ARHGAP44: variants seen among roughly 807,000 people sequenced by gnomAD.
ARHGAP44 encodes the protein rho GTPase-activating protein 44.
A neutral mutation model predicts 106.8 loss-of-function variants in ARHGAP44; 43 were observed. That is an observed-to-expected ratio of 0.40 (90% CI 0.32 to 0.52). ARHGAP44 has a LOEUF of 0.52. Ranked by LOEUF, ARHGAP44 falls within the 20% of genes least tolerant of loss-of-function variation. The pLI, the probability that ARHGAP44 is intolerant of heterozygous loss-of-function variation, is 0.48. For missense variants in ARHGAP44, 866 were observed against 1,050.5 expected, an observed-to-expected ratio of 0.82 and a Z score of 2.43; for synonymous variants, 439 against 410.3, an observed-to-expected ratio of 1.07 and a Z score of -0.85.
chr17:12,848,513 G>A lies in ARHGAP44; in HGVS notation c.54-46427G>A, dbSNP rs138145321. Among the ~76,000 whole-genome samples the A allele has an allele frequency of 7.2e-3, 1,100 of 152,124 alleles. 13 individuals are homozygous for A. Among genetic ancestry groups the A allele is most frequent in the African/African-American group, 0.025 (1,042 of 41,514 alleles). The stretch of plus-strand genomic sequence containing the variant: ...TCCTTTGAAGTATTCCTGCTAATAT[G>A]TTTTTCCTCTAATTCATGCCAAAAC... On this transcript the variant is annotated intron_variant, in intron 1 of 20. Transcript: ENST00000379672.
chr17:12,903,642 G>T lies in ARHGAP44; in HGVS notation c.199-5255G>T, dbSNP rs187872535. On this transcript the variant is annotated intron_variant, in intron 3 of 20. Transcript: ENST00000379672. Reference sequence around the variant, plus strand: ...AGGTTTTTGGGGAACAGGTGGTGTTGGTTACATGAGTAAGTTCTTTAGTGG... The same window carrying T: ...AGGTTTTTGGGGAACAGGTGGTGTTTGTTACATGAGTAAGTTCTTTAGTGG... Among the ~76,000 whole-genome samples, 649 of 152,182 alleles carry T rather than the reference G, an allele frequency of 4.3e-3. 2 individuals carry two copies. Among genetic ancestry groups the T allele is most frequent in the Non-Finnish European group, 6.2e-3 (421 of 67,992 alleles).
intron 1 of ARHGAP44, among the ~76,000 whole-genome samples, chr17:12,819,625 G>A (rs1043354678): frequency 2.7e-5 from 4 of 149,946 alleles, no homozygotes; most frequent in African/African-American, 9.8e-5. Flanking sequence ...TAGCTGTGTT[G>A]TAGTAGTTTA....
chr17:12,867,932 C>T (rs1264939810), intron 1 of ARHGAP44, among the ~76,000 whole-genome samples: 1 of 152,192 alleles, frequency 6.6e-6, no homozygotes, highest in Non-Finnish European at 1.5e-5. Context: ...CTCTATTCTA[C>T]AGCTCCATGA....
chr17:12,924,150 C>T (rs2038167124), intron 6 of ARHGAP44, among the ~76,000 whole-genome samples: 1 of 152,198 alleles, frequency 6.6e-6, no homozygotes, highest in South Asian at 2.1e-4. Flanking sequence ...GAACAATAGT[C>T]CCATGACTGG....
In ARHGAP44 at chr17:12,897,457, C is replaced by T. The variant is rs2037244670; in HGVS notation, c.198+946C>T. Reference sequence around the variant, plus strand: ...TTCTTTTTTTTTTTTTTTCCAAGCCCTGGTTTCTTCTTTCTTAATATTCCC... The same window carrying T: ...TTCTTTTTTTTTTTTTTTCCAAGCCTTGGTTTCTTCTTTCTTAATATTCCC... On this transcript the variant is annotated intron_variant, in intron 3 of 20. Coordinates refer to ENST00000379672, the MANE Select transcript of ARHGAP44 (RefSeq NM_014859.6). 2.0e-5 allele frequency among the ~76,000 whole-genome samples: 3 copies of T among 151,152 alleles called. No individual in the cohort carries two copies. In the South Asian group the frequency reaches 6.3e-4, roughly 32 times the overall value.
At chr17:12,790,179 G>T (rs2033697390) in intron 1 of ARHGAP44, 1 of 418,538 alleles carries the variant, frequency 2.4e-6, no homozygotes, top group Non-Finnish European at 4.2e-6. Context: ...CGTCCTCCCT[G>T]CCTTTCCCCG....
chr17:12,826,454 T>G (rs2034921442), intron 1 of ARHGAP44, among the ~76,000 whole-genome samples: 1 of 152,240 alleles, frequency 6.6e-6, no homozygotes, highest in Non-Finnish European at 1.5e-5. Context: ...TTTCCTGTAT[T>G]TTCTTGGATG....
chr17:12,926,364 GAAAA>G (rs927335992), intron 6 of ARHGAP44, among the ~76,000 whole-genome samples: 1 of 140,920 alleles, frequency 7.1e-6, no homozygotes, highest in African/African-American at 2.6e-5. Flanking sequence ...GACTTGATAT[GAAAA>G]AAAAATTATA....
chr17:12,796,680 T>C (rs1387754178), intron 1 of ARHGAP44, among the ~76,000 whole-genome samples: 1 of 151,870 alleles, frequency 6.6e-6, no homozygotes, highest in Non-Finnish European at 1.5e-5. Context: ...TACTGCAAGC[T>C]CTGCCTCCCG....
At chr17:12,859,749 C>T (rs867204861) in intron 1 of ARHGAP44, among the ~76,000 whole-genome samples, 4 of 152,252 alleles carry the variant, frequency 2.6e-5, no homozygotes, top group East Asian at 1.9e-4. Context: ...CATTCGCAGT[C>T]GCCAAGAAAC....
intron 7 of ARHGAP44, among the ~76,000 whole-genome samples, chr17:12,937,132 T>C (rs2038571728): frequency 6.6e-6 from 1 of 152,232 alleles, no homozygotes; most frequent in South Asian, 2.1e-4. Flanking sequence ...TTAATTATTA[T>C]TATTCCTTTC....
At chr17:12,890,508 G>T (rs1017624016) in intron 1 of ARHGAP44, among the ~76,000 whole-genome samples, 1 of 152,188 alleles carries the variant, frequency 6.6e-6, no homozygotes, top group East Asian at 1.9e-4. Flanking sequence ...GAGTCCTTGG[G>T]CAGTGAACCC....
chr17:12,846,172 G>C (rs1173476027), intron 1 of ARHGAP44, among the ~76,000 whole-genome samples: 1 of 151,870 alleles, frequency 6.6e-6, no homozygotes, highest in Non-Finnish European at 1.5e-5. Context: ...AATGCAGACT[G>C]TGATCCACTT....
intron 1 of ARHGAP44, among the ~76,000 whole-genome samples, chr17:12,802,964 TATA>T (rs2034158813): frequency 3.0e-4 from 6 of 20,016 alleles, no homozygotes; most frequent in Admixed American, 7.9e-4. Flanking sequence ...TATATATATA[TATA>T]TATTTTTTTT....
At chr17:12,959,486 A>G (rs1261035887) in intron 16 of ARHGAP44, among the ~76,000 whole-genome samples, 1 of 152,228 alleles carries the variant, frequency 6.6e-6, no homozygotes, top group Non-Finnish European at 1.5e-5. Flanking sequence ...TTGCTCAGCA[A>G]CAACCCTGTC....
chr17:12,965,263 G>C (rs1324073680), intron 16 of ARHGAP44, among the ~76,000 whole-genome samples: 1 of 152,086 alleles, frequency 6.6e-6, no homozygotes, highest in South Asian at 2.1e-4. Context: ...CCTGAAACCC[G>C]ACGCACCTAC....
chr17:12,836,682 G>A (rs1343607078), intron 1 of ARHGAP44, among the ~76,000 whole-genome samples: 1 of 151,394 alleles, frequency 6.6e-6, no homozygotes, highest in Non-Finnish European at 1.5e-5. Context: ...AAAAAAGAAA[G>A]ACACTACACA....
intron 1 of ARHGAP44, among the ~76,000 whole-genome samples, chr17:12,829,741 C>T (rs1228262708): frequency 1.3e-5 from 2 of 152,132 alleles, no homozygotes; most frequent in Non-Finnish European, 2.9e-5. Context: ...TTTATTGAGT[C>T]TCTGCTCAAA....
intron 20 of ARHGAP44, chr17:12,986,420 C>A (rs1476717000): frequency 6.6e-6 from 1 of 152,104 alleles, no homozygotes; most frequent in Non-Finnish European, 1.5e-5. Context: ...ACTCTTCCAG[C>A]CACCCCAGGG....
Sources: allele counts gnomAD v4.1 joint callset (sites outside exome capture counted in the v4.1 genomes callset), GRCh38; gene constraint gnomAD v4.1.1; transcripts MANE v1.5; gene names NCBI Gene and HGNC (gene_info 2026-07-23, HGNC 2026-07-21).